Variants in NKAIN2 observed in about 807,000 individuals in gnomAD.
NKAIN2 encodes sodium/potassium transporting ATPase interacting 2, also known as sodium/potassium-transporting ATPase subunit beta-1-interacting protein 2.
In NKAIN2, 14 loss-of-function variants were observed where a neutral mutation model predicts 32.6. That is an observed-to-expected ratio of 0.43 (90% CI 0.28 to 0.67). The LOEUF is 0.67. Ranked by LOEUF, NKAIN2 falls within the 30% of genes least tolerant of loss-of-function variation. The pLI is 0.17. For missense variants in NKAIN2, 198 were observed against 258.3 expected, an observed-to-expected ratio of 0.77 and a Z score of 1.60; for synonymous variants, 80 against 87.2, an observed-to-expected ratio of 0.92 and a Z score of 0.46.
intron 1 of NKAIN2, among the ~76,000 whole-genome samples, chr6:124,266,509 G>A (rs558404056): frequency 1.3e-5 from 2 of 152,140 alleles, no homozygotes; most frequent in Admixed American, 6.6e-5. Context: ...GAACTCCTGA[G>A]CTCTAGTGAT....
At chr6:123,894,624 A>T (rs1024370650) in intron 1 of NKAIN2, among the ~76,000 whole-genome samples, 3 of 152,132 alleles carry the variant, frequency 2.0e-5, no homozygotes, top group Non-Finnish European at 4.4e-5. Context: ...GTCATGGAGA[A>T]AGAGAATGAG....
chr6:124,676,100 G>GTATTGC (rs1410830360), intron 4 of NKAIN2, among the ~76,000 whole-genome samples: 1 of 152,050 alleles, frequency 6.6e-6, no homozygotes, highest in Non-Finnish European at 1.5e-5. Flanking sequence ...GTTCGAGAAT[G>GTATTGC]TATTGCTTAA....
intron 3 of NKAIN2, among the ~76,000 whole-genome samples, chr6:124,482,703 C>T (rs1777499894): frequency 6.6e-6 from 1 of 152,098 alleles, no homozygotes; most frequent in African/African-American, 2.4e-5. Context: ...TCATTATTAC[C>T]AGGAAATAAT....
At chr6:124,498,056 A>G (rs1175096312) in intron 3 of NKAIN2, among the ~76,000 whole-genome samples, 1 of 152,140 alleles carries the variant, frequency 6.6e-6, no homozygotes, top group Non-Finnish European at 1.5e-5. Context: ...AAGAATATAT[A>G]TAGTTGAGAA....
rs559178609 is a variant in NKAIN2, at chr6:124,368,697, C to T, written c.273+13350C>T. Among the ~76,000 whole-genome samples, 11 of 152,256 alleles carry T rather than the reference C, an allele frequency of 7.2e-5. No individual in the cohort carries two copies. In the East Asian group the frequency reaches 1.9e-3, roughly 27 times the overall value. On this transcript the variant is annotated intron_variant, in intron 3 of 6. Coordinates refer to ENST00000368417, the MANE Select transcript of NKAIN2 (RefSeq NM_001040214.3). ...GTTGTTTGAAACTTAGCTGTCTTCA[C>T]AAGATGATCTGTTACTCATTCAAAG...
At chr6:124,550,393 G>C (rs1364505847) in intron 3 of NKAIN2, among the ~76,000 whole-genome samples, 1 of 151,036 alleles carries the variant, frequency 6.6e-6, no homozygotes, top group Non-Finnish European at 1.5e-5. Context: ...TTTTTCCTGT[G>C]TATATTCTTG....
chr6:124,610,108 A>C (rs1323659821), intron 3 of NKAIN2, among the ~76,000 whole-genome samples: 1 of 152,176 alleles, frequency 6.6e-6, no homozygotes, highest in Non-Finnish European at 1.5e-5. Context: ...ACCTTCAAGC[A>C]CCTACTCTGT....
At chr6:124,493,014 A>G (rs569469603) in intron 3 of NKAIN2, among the ~76,000 whole-genome samples, 1 of 152,164 alleles carries the variant, frequency 6.6e-6, no homozygotes, top group African/African-American at 2.4e-5. Context: ...GTCTTCATCA[A>G]TAAAATGGAA....
At chr6:124,610,202 T>A (rs1382448641) in intron 3 of NKAIN2, among the ~76,000 whole-genome samples, 2 of 152,190 alleles carry the variant, frequency 1.3e-5, no homozygotes, top group African/African-American at 4.8e-5. Context: ...TATGTAATAT[T>A]GTATCTACTT....
chr6:124,211,357 T>C (rs531796834), intron 1 of NKAIN2, among the ~76,000 whole-genome samples: 57 of 151,878 alleles, frequency 3.8e-4, no homozygotes, highest in Non-Finnish European at 7.1e-4. Context: ...TGAAATAGAC[T>C]TTATCATTCA....
chr6:124,432,582 T>C (rs1300721220), intron 3 of NKAIN2, among the ~76,000 whole-genome samples: 1 of 152,094 alleles, frequency 6.6e-6, no homozygotes, highest in Non-Finnish European at 1.5e-5. Context: ...CACTCCAGCC[T>C]GGGCAGCAGA....
intron 4 of NKAIN2, among the ~76,000 whole-genome samples, chr6:124,748,832 C>G (rs1475639384): frequency 1.5e-5 from 2 of 132,188 alleles, no homozygotes; most frequent in Admixed American, 1.7e-4. Flanking sequence ...CTTTCCCCAG[C>G]TCTGATATTA....
At chr6:124,180,978 T>C (rs802294) in intron 1 of NKAIN2, among the ~76,000 whole-genome samples, 89,561 of 152,056 alleles carry the variant, frequency 0.59, 28,964 homozygotes, top group Non-Finnish European at 0.73. Context: ...GCAATTTCAG[T>C]CTACACTGCC....
intron 2 of NKAIN2, among the ~76,000 whole-genome samples, chr6:124,317,099 G>T (rs1202253331): frequency 6.6e-6 from 1 of 151,674 alleles, no homozygotes; most frequent in Non-Finnish European, 1.5e-5. Context: ...GGGGATTAAG[G>T]CCAGCATGGG....
intron 4 of NKAIN2, among the ~76,000 whole-genome samples, chr6:124,789,219 C>T (rs539385702): frequency 2.0e-5 from 3 of 152,018 alleles, no homozygotes; most frequent in South Asian, 2.1e-4. Flanking sequence ...CAGAATGTAT[C>T]GATGCTTGTT....
intron 1 of NKAIN2, among the ~76,000 whole-genome samples, chr6:123,901,461 C>T (rs1198117448): frequency 6.6e-6 from 1 of 152,096 alleles, no homozygotes; most frequent in Non-Finnish European, 1.5e-5. Flanking sequence ...GAATAAGTGA[C>T]TTAGTATACC....
intron 3 of NKAIN2, among the ~76,000 whole-genome samples, chr6:124,537,592 G>T (rs954574475): frequency 1.3e-5 from 2 of 152,118 alleles, no homozygotes; most frequent in Non-Finnish European, 2.9e-5. Context: ...GTTTAAATCT[G>T]TATGTTTACT....
At chr6:123,962,564 A>G (rs1049300422) in intron 1 of NKAIN2, among the ~76,000 whole-genome samples, 1 of 152,014 alleles carries the variant, frequency 6.6e-6, no homozygotes, top group African/African-American at 2.4e-5. Flanking sequence ...TACTTCACTC[A>G]TCTCCTTCAT....
At chr6:124,715,053 C>T (rs138432282) in intron 4 of NKAIN2, among the ~76,000 whole-genome samples, 2 of 152,272 alleles carry the variant, frequency 1.3e-5, no homozygotes, top group East Asian at 3.9e-4. Context: ...ATAAATGCCA[C>T]CCACTCCCTG....
Sources: allele counts gnomAD v4.1 joint callset (sites outside exome capture counted in the v4.1 genomes callset), GRCh38; gene constraint gnomAD v4.1.1; transcripts MANE v1.5; gene names NCBI Gene and HGNC (gene_info 2026-07-23, HGNC 2026-07-21).